Variants in CEP112 observed in about 807,000 individuals in gnomAD.
CEP112 encodes the protein centrosomal protein of 112 kDa.
In CEP112, 127 loss-of-function variants were observed where a neutral mutation model predicts 153.0. The observed-to-expected ratio is 0.83, with a 90% CI of 0.72 to 0.96. The LOEUF (loss-of-function observed/expected upper bound fraction) is 0.96. Ranked by LOEUF, CEP112 falls within the 40% of genes least tolerant of loss-of-function variation. The probability of loss-of-function intolerance (pLI) is 0.00; values close to 1 mark genes in which losing one functional copy is unlikely to be tolerated. For missense variants in CEP112, 1,089 were observed against 1,101.2 expected (o/e 0.99, Z 0.16); for synonymous variants, 358 against 374.4 (o/e 0.96, Z 0.51).
chr17:65,649,120 T>C (rs1220542574), intron 24 of CEP112, among the ~76,000 whole-genome samples: 1 of 126,656 alleles, frequency 7.9e-6, no homozygotes. Flanking sequence ...ACACACACAC[T>C]GTATCAACCA....
At chr17:65,997,548 C>T (rs971252035) in intron 17 of CEP112, among the ~76,000 whole-genome samples, 10 of 152,114 alleles carry the variant, frequency 6.6e-5, no homozygotes, top group African/African-American at 2.2e-4. Flanking sequence ...TCCTCAGACA[C>T]GTTTAATTAA....
intron 6 of CEP112, among the ~76,000 whole-genome samples, chr17:66,116,992 G>C (rs1385002054): frequency 6.6e-6 from 1 of 150,768 alleles, no homozygotes; most frequent in Admixed American, 6.7e-5. Flanking sequence ...TCAGCCTCCT[G>C]AGTAACTGGA....
rs776944722 is a variant in CEP112, at chr17:65,730,234, T to C, written c.2607+12834A>G. On this transcript the variant is annotated intron_variant, in intron 23 of 26. Coordinates refer to ENST00000535342, the MANE Select transcript of CEP112 (RefSeq NM_001199165.4). ...AAATAAAAACTGCCAGAGAATAGAA[T>C]CGGAGGGAAGCTTTGGGGTAAAAAA... is the stretch of plus-strand genomic sequence containing the variant. Among the ~76,000 whole-genome samples, 72 of 152,200 alleles carry C rather than the reference T, an allele frequency of 4.7e-4. 1 individual carries two copies. The highest frequency in any genetic ancestry group is 3.5e-4 in the Non-Finnish European group (24 of 68,026).
chr17:65,901,909 A>C (rs1293390019), intron 20 of CEP112, among the ~76,000 whole-genome samples: 1 of 133,862 alleles, frequency 7.5e-6, no homozygotes, highest in East Asian at 2.3e-4. Context: ...AAGGGGGCCA[A>C]GTTATAGCGC....
At chr17:65,777,770 C>T (rs2053766960) in intron 21 of CEP112, among the ~76,000 whole-genome samples, 1 of 151,924 alleles carries the variant, frequency 6.6e-6, no homozygotes, top group African/African-American at 2.4e-5. Context: ...TTACATATAT[C>T]CTATATTTTT....
intron 20 of CEP112, among the ~76,000 whole-genome samples, chr17:65,871,899 TC>T (rs1385655095): frequency 2.0e-5 from 3 of 152,188 alleles, no homozygotes; most frequent in Non-Finnish European, 4.4e-5. Context: ...TGTCAAAGCA[TC>T]TTGGATGACT....
At chr17:66,100,357 G>A (rs35835349) in intron 6 of CEP112, among the ~76,000 whole-genome samples, 59,938 of 147,622 alleles carry the variant, frequency 0.41, 13,481 homozygotes, top group East Asian at 0.87. Flanking sequence ...CCAAGATCAC[G>A]CCACTGCACT....
intron 19 of CEP112, among the ~76,000 whole-genome samples, chr17:65,902,665 T>C (rs948628260): frequency 3.3e-5 from 5 of 152,064 alleles, no homozygotes; most frequent in Non-Finnish European, 5.9e-5. Flanking sequence ...TGGTTAATAG[T>C]ACGCTTTGCT....
intron 23 of CEP112, among the ~76,000 whole-genome samples, chr17:65,704,323 A>G (rs1326195862): frequency 6.6e-6 from 1 of 151,980 alleles, no homozygotes; most frequent in Non-Finnish European, 1.5e-5. Flanking sequence ...CAACCCACCC[A>G]GTTTTTGGTT....
chr17:65,893,965 C>G (rs1194892285), intron 20 of CEP112, among the ~76,000 whole-genome samples: 1 of 152,076 alleles, frequency 6.6e-6, no homozygotes, highest in Admixed American at 6.6e-5. Context: ...TGGCTTCAAC[C>G]TCTCTGTCAC....
At chr17:65,704,115 G>C (rs2048783305) in intron 23 of CEP112, among the ~76,000 whole-genome samples, 1 of 151,900 alleles carries the variant, frequency 6.6e-6, no homozygotes, top group East Asian at 1.9e-4. Context: ...GAAGAGGTTG[G>C]CCCTGCGACG....
chr17:65,916,283 G>GTGTGTGTGTGTGTGTGTGTA (rs1568222849), intron 19 of CEP112, among the ~76,000 whole-genome samples: 1 of 105,560 alleles, frequency 9.5e-6, no homozygotes, highest in Non-Finnish European at 2.1e-5. Flanking sequence ...GTGTGTGTGT[G>GTGTGTGTGTGTGTGTGTGTA]TGTGTGTGTA....
intron 20 of CEP112, among the ~76,000 whole-genome samples, chr17:65,852,313 CCCTTT>C (rs1568116982): frequency 1.2e-4 from 2 of 17,152 alleles, no homozygotes; most frequent in South Asian, 3.2e-3. Flanking sequence ...CCCTTCCCTT[CCCTTT>C]CCTTCCCTTT....
intron 23 of CEP112, among the ~76,000 whole-genome samples, chr17:65,706,893 C>T (rs2048943592): frequency 6.6e-6 from 1 of 152,150 alleles, no homozygotes; most frequent in Non-Finnish European, 1.5e-5. Flanking sequence ...GTTTCTCTAT[C>T]TCACTGCACA....
At chr17:65,994,263 CATTGAGTTGACCACATATGTGG>C (rs1020171664) in intron 17 of CEP112, among the ~76,000 whole-genome samples, 13 of 152,186 alleles carry the variant, frequency 8.5e-5, no homozygotes, top group Non-Finnish European at 1.8e-4. Flanking sequence ...GTTAGGCTTT[CATTGAGTTGACCACATATGTGG>C]TTTACCTCTC....
chr17:65,879,191 T>G (rs2058963221), intron 20 of CEP112, among the ~76,000 whole-genome samples: 1 of 152,160 alleles, frequency 6.6e-6, no homozygotes, highest in South Asian at 2.1e-4. Flanking sequence ...AGGCCCAAGG[T>G]AATCGTAATC....
intron 24 of CEP112, among the ~76,000 whole-genome samples, chr17:65,653,634 C>A (rs1476164388): frequency 6.6e-6 from 1 of 152,118 alleles, no homozygotes; most frequent in African/African-American, 2.4e-5. Context: ...GAGCTGGGCA[C>A]AGGAAGGCTT....
chr17:65,876,498 C>T (rs1032199611), intron 20 of CEP112, among the ~76,000 whole-genome samples: 1 of 152,168 alleles, frequency 6.6e-6, no homozygotes, highest in Admixed American at 6.5e-5. Flanking sequence ...TGGGATCTCT[C>T]TTTTATTCCT....
At chr17:65,691,703 C>T (rs1431491861) in intron 23 of CEP112, among the ~76,000 whole-genome samples, 1 of 152,114 alleles carries the variant, frequency 6.6e-6, no homozygotes, top group Non-Finnish European at 1.5e-5. Flanking sequence ...GTAGCCTTTC[C>T]CCCACCCCCT....
Sources: allele counts gnomAD v4.1 joint callset (sites outside exome capture counted in the v4.1 genomes callset), GRCh38; gene constraint gnomAD v4.1.1; transcripts MANE v1.5; gene names NCBI Gene and HGNC (gene_info 2026-07-23, HGNC 2026-07-21).